Variants in GFOD2 observed in about 807,000 individuals in gnomAD.
GFOD2 encodes the protein glucose-fructose oxidoreductase domain-containing protein 2.
A neutral mutation model predicts 24.6 loss-of-function variants in GFOD2; 9 were observed. That is an observed-to-expected ratio of 0.37 (90% CI 0.22 to 0.64). The LOEUF is 0.64. Among genes scored for constraint, GFOD2 ranks in the 30% least tolerant of loss-of-function variants. GFOD2 has a pLI of 0.65. For synonymous variants in GFOD2, 211 were observed against 224.8 expected (o/e 0.94, Z 0.55); for missense variants, 476 against 532.5 (o/e 0.89, Z 1.04).
chr16:67,708,669 G>A (rs2053453987), intron 1 of GFOD2, among the ~76,000 whole-genome samples: 1 of 152,082 alleles, frequency 6.6e-6, no homozygotes, highest in African/African-American at 2.4e-5. Context: ...TGAAAGAGTG[G>A]CAAGCCCTCA....
chr16:67,701,985 T>C (rs2053405438), intron 1 of GFOD2, among the ~76,000 whole-genome samples: 1 of 152,144 alleles, frequency 6.6e-6, no homozygotes, highest in African/African-American at 2.4e-5. Context: ...CCCCAGCTTC[T>C]GCCAAACTAG....
chr16:67,685,063 A>ACAGC, intron 2 of GFOD2: 10 of 1,160,088 alleles, frequency 8.6e-6, no homozygotes, highest in Non-Finnish European at 1.1e-5. Flanking sequence ...GCCTTGCTAC[A>ACAGC]CAGCCTCTCC....
chr16:67,700,332 G>C (rs1384832667), intron 1 of GFOD2, among the ~76,000 whole-genome samples: 3 of 150,308 alleles, frequency 2.0e-5, no homozygotes, highest in Non-Finnish European at 4.4e-5. Context: ...CTGAGATCGT[G>C]CCACTGCACT....
intron 1 of GFOD2, among the ~76,000 whole-genome samples, chr16:67,693,020 ACT>A (rs371949585): frequency 2.9e-4 from 44 of 151,802 alleles, no homozygotes; most frequent in African/African-American, 1.0e-3. Context: ...ACAGATTGAG[ACT>A]CTGTCTCAAA....
At chr16:67,685,024 C>G in intron 2 of GFOD2, 1 of 1,088,968 alleles carries the variant, frequency 9.2e-7, no homozygotes, top group Non-Finnish European at 1.1e-6. Flanking sequence ...TCACTATAGT[C>G]AAACGCTGAC....
At chr16:67,713,285 C>A (rs2053488370) in intron 1 of GFOD2, among the ~76,000 whole-genome samples, 1 of 152,124 alleles carries the variant, frequency 6.6e-6, no homozygotes, top group African/African-American at 2.4e-5. Flanking sequence ...TTTTCCTCTG[C>A]TTTCACACCA....
intron 1 of GFOD2, among the ~76,000 whole-genome samples, chr16:67,715,248 C>T (rs929818325): frequency 3.3e-5 from 5 of 152,050 alleles, no homozygotes; most frequent in Admixed American, 6.6e-5. Context: ...TTAGTACAGA[C>T]GGGGTTTCAC....
intron 1 of GFOD2, among the ~76,000 whole-genome samples, chr16:67,687,412 G>A (rs2053275498): frequency 1.3e-5 from 2 of 151,422 alleles, no homozygotes; most frequent in Admixed American, 6.6e-5. Context: ...AGGCCGAGGC[G>A]GGCGGATCAC....
At chr16:67,695,755 C>T (rs1342868805) in intron 1 of GFOD2, among the ~76,000 whole-genome samples, 3 of 151,972 alleles carry the variant, frequency 2.0e-5, no homozygotes, top group East Asian at 1.9e-4. Context: ...AGGCTGGTCT[C>T]GAACTCCTGA....
At chr16:67,700,394 T>A (rs1159361352) in intron 1 of GFOD2, among the ~76,000 whole-genome samples, 2 of 150,696 alleles carry the variant, frequency 1.3e-5, no homozygotes, top group Admixed American at 6.6e-5. Context: ...AAATTAAATT[T>A]AATTTAAAAA....
At chr16:67,713,926 A>G (rs1281116156) in intron 1 of GFOD2, among the ~76,000 whole-genome samples, 1 of 152,038 alleles carries the variant, frequency 6.6e-6, no homozygotes, top group South Asian at 2.1e-4. Flanking sequence ...ACTCATTAGC[A>G]TACAAAAAAC....
intron 1 of GFOD2, among the ~76,000 whole-genome samples, chr16:67,688,405 C>A (rs2053284230): frequency 1.3e-5 from 2 of 152,160 alleles, no homozygotes; most frequent in Admixed American, 1.3e-4. Flanking sequence ...TTTTCTGAGA[C>A]ATGATTCTGT....
chr16:67,692,311 G>GCTCA (rs1555545782), intron 1 of GFOD2, among the ~76,000 whole-genome samples: 11 of 151,812 alleles, frequency 7.2e-5, no homozygotes, highest in Non-Finnish European at 1.6e-4. Context: ...GCTGAGTGCG[G>GCTCA]TGGCTCACGC....
At chr16:67,701,158 G>A (rs1018554917) in intron 1 of GFOD2, among the ~76,000 whole-genome samples, 38 of 152,164 alleles carry the variant, frequency 2.5e-4, no homozygotes, top group African/African-American at 8.0e-4. Context: ...CATTATTGGC[G>A]AAAATGTAAA....
intron 1 of GFOD2, among the ~76,000 whole-genome samples, chr16:67,704,529 G>A (rs1012973153): frequency 6.6e-6 from 1 of 151,882 alleles, no homozygotes; most frequent in Non-Finnish European, 1.5e-5. Flanking sequence ...TTCTCTTTTT[G>A]CCCAATGGGA....
intron 1 of GFOD2, among the ~76,000 whole-genome samples, chr16:67,706,169 G>T (rs2053437986): frequency 1.3e-5 from 2 of 151,912 alleles, no homozygotes; most frequent in Admixed American, 1.3e-4. Flanking sequence ...TAGAGATGGG[G>T]TTTCACCACA....
chr16:67,681,397 C>T (rs2053224264), intron 2 of GFOD2: 1 of 985,170 alleles, frequency 1.0e-6, no homozygotes. Flanking sequence ...GAGGGAAAGA[C>T]CTCTCTTCTT....
intron 1 of GFOD2, among the ~76,000 whole-genome samples, chr16:67,715,111 T>C (rs2053498134): frequency 6.6e-6 from 1 of 151,948 alleles, no homozygotes; most frequent in Non-Finnish European, 1.5e-5. Flanking sequence ...CAGGCTAGAG[T>C]GCAATGGCAC....
At chr16:67,681,186 C>A (rs1034783875) in intron 2 of GFOD2, 5 of 985,472 alleles carry the variant, frequency 5.1e-6, no homozygotes, top group Non-Finnish European at 6.0e-6. Flanking sequence ...TTCTCAGACA[C>A]CCCACCTGAG....
Sources: gnomAD v4.1 joint callset for allele counts (sites outside exome capture counted in the v4.1 genomes callset) on GRCh38, gnomAD v4.1.1 for gene constraint, MANE v1.5 for transcripts, NCBI Gene and HGNC (gene_info 2026-07-23, HGNC 2026-07-21) for gene names.